The following CDC20B variants were observed in gnomAD, a reference collection of about 807,000 sequenced individuals.
The protein encoded by CDC20B is cell division cycle 20B.
In CDC20B, 58 loss-of-function variants were observed where a neutral mutation model predicts 64.1. That is an observed-to-expected ratio of 0.90 (90% CI 0.73 to 1.13). The LOEUF is 1.13. CDC20B is among the 50% of genes most tolerant of loss of function. The probability of loss-of-function intolerance (pLI) is 0.00; values close to 1 mark genes in which losing one functional copy is unlikely to be tolerated. For synonymous variants in CDC20B, 243 were observed against 230.6 expected (o/e 1.05, Z -0.49); for missense variants, 597 against 633.0 (o/e 0.94, Z 0.61).
intron 2 of CDC20B, chr5:55,164,605 T>C (rs1250098106): frequency 6.5e-6 from 1 of 153,586 alleles, no homozygotes; most frequent in South Asian, 2.1e-4. Flanking sequence ...TCTAGGACTG[T>C]ACTTGATGAA....
intron 2 of CDC20B, among the ~76,000 whole-genome samples, chr5:55,169,819 C>G (rs1744530020): frequency 6.6e-6 from 1 of 152,162 alleles, no homozygotes; most frequent in African/African-American, 2.4e-5. Flanking sequence ...TATTTAGAAA[C>G]TAATGATGCA....
At chr5:55,162,055 G>T (rs1463135206) in intron 2 of CDC20B, among the ~76,000 whole-genome samples, 2 of 136,592 alleles carry the variant, frequency 1.5e-5, no homozygotes, top group Admixed American at 8.4e-5. Flanking sequence ...TACACTGCTT[G>T]CTCTGTGCCA....
At chr5:55,152,867 T>C (rs1743706878) in intron 2 of CDC20B, among the ~76,000 whole-genome samples, 2 of 152,134 alleles carry the variant, frequency 1.3e-5, no homozygotes, top group African/African-American at 4.8e-5. Flanking sequence ...AGGCAGTTAG[T>C]ACTAAAAAGG....
chr5:55,124,150 G>A (rs1742820114), intron 9 of CDC20B, among the ~76,000 whole-genome samples: 1 of 152,136 alleles, frequency 6.6e-6, no homozygotes, highest in Admixed American at 6.6e-5. Context: ...GAACATGGTG[G>A]AGCATTGATC....
At chr5:55,172,838 G>T in intron 1 of CDC20B, 100 bp downstream of exon 1, 1 of 1,185,864 alleles carries the variant, frequency 8.4e-7, no homozygotes. Flanking sequence ...CCAGGGCTTA[G>T]AGTTTCGTAC....
intron 2 of CDC20B, among the ~76,000 whole-genome samples, chr5:55,150,807 C>T (rs1486695832): frequency 6.6e-6 from 1 of 152,064 alleles, no homozygotes; most frequent in East Asian, 1.9e-4. Flanking sequence ...TGCAGCGGCA[C>T]AATCATGGCT....
chr5:55,148,716 G>GA (rs1468621976), intron 2 of CDC20B, among the ~76,000 whole-genome samples: 11 of 152,092 alleles, frequency 7.2e-5, no homozygotes, highest in Non-Finnish European at 5.9e-5. Flanking sequence ...AACAAAAAAA[G>GA]AAAAAAGAAA....
chr5:55,132,227 G>A (rs1561289981), intron 6 of CDC20B, among the ~76,000 whole-genome samples: 1 of 152,122 alleles, frequency 6.6e-6, no homozygotes, highest in African/African-American at 2.4e-5. Context: ...GGGAGATAGA[G>A]AACTGTTCCC....
At chr5:55,161,116 T>G (rs1744030278) in intron 2 of CDC20B, 9 of 1,614,084 alleles carry the variant, frequency 5.6e-6, no homozygotes, top group Non-Finnish European at 5.1e-6. Context: ...TTCCCTGCAA[T>G]CAGTTTGGAG....
intron 6 of CDC20B, among the ~76,000 whole-genome samples, chr5:55,129,482 T>C (rs1742975478): frequency 6.6e-6 from 1 of 152,080 alleles, no homozygotes; most frequent in Non-Finnish European, 1.5e-5. Context: ...AAGGCCACCA[T>C]ATTTCTGGTC....
chr5:55,162,163 A>G (rs1407748463), intron 2 of CDC20B, among the ~76,000 whole-genome samples: 2 of 150,890 alleles, frequency 1.3e-5, no homozygotes, highest in Non-Finnish European at 2.9e-5. Flanking sequence ...TAGGAGGCCG[A>G]GGCAGGCAGA....
At chr5:55,160,330 C>T (rs928544551) in intron 2 of CDC20B, 15 of 1,613,688 alleles carry the variant, frequency 9.3e-6, no homozygotes, top group Non-Finnish European at 1.2e-5. Flanking sequence ...AAATCAACAG[C>T]TTTTATGCCT....
At chr5:55,167,508 T>C (rs1452040881) in intron 2 of CDC20B, among the ~76,000 whole-genome samples, 1 of 152,126 alleles carries the variant, frequency 6.6e-6, no homozygotes, top group African/African-American at 2.4e-5. Flanking sequence ...TCATGCTCCC[T>C]CATGGTCAAT....
At position 55,172,620 on chromosome 5, in the gene CDC20B, A is replaced by C. The variant is rs1744638335; in HGVS notation, c.94T>G (p.Leu32Val). The C allele has an allele frequency of 2.5e-6, 4 of 1,613,624 alleles. No homozygotes were observed. The highest frequency in any genetic ancestry group is 3.4e-6 in the Non-Finnish European group (4 of 1,179,562). ...GAATCTTGACTTCTCTTCTGCTTCAAGTCTTTGGAGAGCACACGCATGATA... is the reference window on the plus strand; with the variant it reads ...GAATCTTGACTTCTCTTCTGCTTCACGTCTTTGGAGAGCACACGCATGATA... ...ESIMRVLSKD[L>V]KQKRSQDSAN... Residue 32 changes from leucine to valine, a missense_variant, in exon 2 of 12, where the codon TTG becomes GTG. Physicochemically the swap from Leu to Val is conservative, Grantham distance 32. Transcript: ENST00000381375.
chr5:55,127,204 C>G (rs10043273), intron 8 of CDC20B, 53 bp downstream of exon 8: 208,410 of 1,438,854 alleles, frequency 0.14, 16,247 homozygotes, highest in East Asian at 0.25. Flanking sequence ...TACTCAGGCC[C>G]CATAATCAAT....
Position 55,120,701 on chromosome 5 carries a change from C to T in CDC20B, c.1216-151G>A. 4.8e-6 allele frequency: 4 copies of T among 828,160 alleles called. No individual in the cohort carries two copies. In the South Asian group the frequency reaches 6.3e-5, roughly 13 times the overall value. The allele number at this position is 828,160 out of a possible 1,614,324, so 51.3% of individuals were successfully genotyped here. ...ATCTAAAGGCAGGAGCAACTGCACCCTCCAGAGATTATTCCTCAGGGACTA... is the reference window on the plus strand; with the variant it reads ...ATCTAAAGGCAGGAGCAACTGCACCTTCCAGAGATTATTCCTCAGGGACTA... On this transcript the variant is annotated intron_variant, in intron 9 of 11. Coordinates refer to ENST00000381375, the MANE Select transcript of CDC20B (RefSeq NM_001170402.1).
chr5:55,166,282 A>C (rs1236036558), intron 2 of CDC20B: 1 of 152,258 alleles, frequency 6.6e-6, no homozygotes, highest in Non-Finnish European at 1.5e-5. Flanking sequence ...CATGATACAG[A>C]TGAACATCCT....
chr5:55,145,282 G>C (rs1743439360), intron 3 of CDC20B, among the ~76,000 whole-genome samples: 1 of 152,052 alleles, frequency 6.6e-6, no homozygotes, highest in South Asian at 2.1e-4. Flanking sequence ...AAAGCCTGTC[G>C]TTACATGGGA....
chr5:55,115,651 T>C (rs1424409861), intron 11 of CDC20B, among the ~76,000 whole-genome samples: 2 of 152,174 alleles, frequency 1.3e-5, no homozygotes, highest in African/African-American at 2.4e-5. Flanking sequence ...TGGGCACAGC[T>C]GAAATCAAAC....
Sources: gnomAD v4.1 joint callset for allele counts (sites outside exome capture counted in the v4.1 genomes callset) on GRCh38, gnomAD v4.1.1 for gene constraint, MANE v1.5 for transcripts, NCBI Gene and HGNC (gene_info 2026-07-23, HGNC 2026-07-21) for gene names.